ADCY8: variants seen among roughly 807,000 people sequenced by gnomAD.
ADCY8 encodes adenylate cyclase 8.
In ADCY8, 51 loss-of-function variants were observed where a neutral mutation model predicts 119.7. The ratio of observed to expected loss-of-function variants is 0.43; its 90% confidence interval spans 0.34 to 0.54. The LOEUF is 0.54. Ranked by LOEUF, ADCY8 falls within the 20% of genes least tolerant of loss-of-function variation. ADCY8 has a pLI of 0.03. For missense variants in ADCY8, 1,383 were observed against 1,598.8 expected (o/e 0.87, Z 2.30); for synonymous variants, 665 against 651.0 (o/e 1.02, Z -0.33).
intron 15 of ADCY8, among the ~76,000 whole-genome samples, chr8:130,795,740 C>A (rs1815560250): frequency 1.3e-5 from 2 of 152,132 alleles, no homozygotes; most frequent in Admixed American, 1.3e-4. Context: ...GAGAGGAACT[C>A]TTCTGGGAAC....
intron 14 of ADCY8, among the ~76,000 whole-genome samples, chr8:130,807,131 G>A (rs770601248): frequency 1.6e-4 from 25 of 152,202 alleles, no homozygotes; most frequent in South Asian, 6.2e-4. Flanking sequence ...ATGTGCATGC[G>A]CTCCGTCGCA....
intron 15 of ADCY8, among the ~76,000 whole-genome samples, chr8:130,787,187 A>G (rs1432278694): frequency 6.6e-6 from 1 of 152,280 alleles, no homozygotes; most frequent in East Asian, 1.9e-4. Flanking sequence ...GTAGGCAGAA[A>G]GAGACCAAGT....
intron 5 of ADCY8, among the ~76,000 whole-genome samples, chr8:130,932,517 T>A (rs1432671295): frequency 6.6e-6 from 1 of 152,186 alleles, no homozygotes; most frequent in East Asian, 1.9e-4. Flanking sequence ...TATATTTTTC[T>A]GCACTGTGCT....
intron 1 of ADCY8, among the ~76,000 whole-genome samples, chr8:130,996,184 A>C (rs983431805): frequency 1.2e-4 from 19 of 152,116 alleles, no homozygotes; most frequent in Admixed American, 2.0e-4. Context: ...AAAGATAAAG[A>C]AGAGAGGTAT....
chr8:130,958,809 G>A (rs1285455744), intron 2 of ADCY8, among the ~76,000 whole-genome samples: 1 of 151,586 alleles, frequency 6.6e-6, no homozygotes, highest in Non-Finnish European at 1.5e-5. Context: ...CTCTTTTCCT[G>A]TTTTATTTAT....
At chr8:130,980,465 G>A (rs1421048566) in intron 2 of ADCY8, among the ~76,000 whole-genome samples, 1 of 152,162 alleles carries the variant, frequency 6.6e-6, no homozygotes, top group African/African-American at 2.4e-5. Context: ...GAGAAATGGA[G>A]AAGGAAGTAG....
At chr8:130,842,816 G>A (rs1817186499) in intron 11 of ADCY8, among the ~76,000 whole-genome samples, 1 of 148,710 alleles carries the variant, frequency 6.7e-6, no homozygotes, top group South Asian at 2.1e-4. Context: ...ATGTTGTAGT[G>A]AGCCGAGATT....
Position 130,940,276 on chromosome 8 carries a change from A to G in ADCY8, c.1353+3075T>C, listed in dbSNP as rs548391076. Among the ~76,000 whole-genome samples, 3 of 152,266 alleles carry G rather than the reference A, an allele frequency of 2.0e-5. No homozygotes were observed. The South Asian group carries it at 6.2e-4, about 32-fold the overall frequency. On this transcript the variant is annotated intron_variant, in intron 4 of 17. Transcript: ENST00000286355. ...TGCTCTCTCTTGGCAAAACTGCAGG[A>G]ATTATGGCAAAGTCCAGAATGGTAG...
chr8:130,858,553 T>C (rs1279013069), intron 9 of ADCY8, among the ~76,000 whole-genome samples: 1 of 152,154 alleles, frequency 6.6e-6, no homozygotes, highest in Non-Finnish European at 1.5e-5. Context: ...TTAATCTTTA[T>C]CCCCTGGCTG....
Position 130,937,079 on chromosome 8 carries a change from G to T in ADCY8, c.1475C>A (p.Thr492Asn). 1 of 1,611,516 alleles carries T rather than the reference G, an allele frequency of 6.2e-7. No homozygotes were observed. ...GATGGGGATCACAAATTACCTGATG[G>T]TTTTGATCATGCTGAGACCCATTTC... ...CVEMGLSMIKTIRYVRSRTKH... is the reference protein window; with the variant it reads ...CVEMGLSMIKNIRYVRSRTKH... The change falls in exon 5 of 18, where the codon ACC (threonine) becomes AAC (asparagine). Residue 492 changes from threonine to asparagine, a missense_variant. By Grantham distance (65) the Thr-to-Asn change is moderately conservative (BLOSUM62 0). Around this residue, in one of 2 missense-constraint regions of ADCY8, gnomAD observed 928 missense variants for 1,163.5 expected, o/e 0.80. Coordinates refer to ENST00000286355, the MANE Select transcript of ADCY8 (RefSeq NM_001115.3).
chr8:130,870,508 A>G (rs2130405297), intron 8 of ADCY8, among the ~76,000 whole-genome samples: 1 of 152,214 alleles, frequency 6.6e-6, no homozygotes, highest in African/African-American at 2.4e-5. Context: ...TTTATCTGGG[A>G]AAGTGGGTTT....
chr8:130,834,854 A>G (rs1202643609), intron 12 of ADCY8, among the ~76,000 whole-genome samples: 1 of 152,206 alleles, frequency 6.6e-6, no homozygotes, highest in Non-Finnish European at 1.5e-5. Flanking sequence ...GTGTATGTAT[A>G]CATTATATAT....
At chr8:130,780,964 A>G (rs1815060847) in intron 17 of ADCY8, 87 bp from the exon 18 acceptor site, 2 of 1,525,264 alleles carry the variant, frequency 1.3e-6, no homozygotes, top group East Asian at 2.3e-5. Context: ...AGTGATCACT[A>G]TGTGTGGGGT....
At chr8:130,898,993 C>G (rs138568789) in intron 7 of ADCY8, among the ~76,000 whole-genome samples, 1 of 152,188 alleles carries the variant, frequency 6.6e-6, no homozygotes. Flanking sequence ...GCTTGCAGGA[C>G]GGAGGTCCCA....
intron 10 of ADCY8, 49 bp from the exon 11 acceptor site, chr8:130,847,562 A>C: frequency 2.0e-6 from 3 of 1,484,556 alleles, no homozygotes; most frequent in Non-Finnish European, 2.8e-6. Context: ...AAAAACAGGA[A>C]CAACAAAGTC....
rs116873013 is a variant in ADCY8, at chr8:131,010,453, G to A, written c.961-19911C>T. Among the ~76,000 whole-genome samples the A allele has an allele frequency of 1.6e-4, 25 of 152,162 alleles. No individual in the cohort carries two copies. The East Asian group carries it at 4.2e-3, about 26-fold the overall frequency. The stretch of plus-strand genomic sequence containing the variant: ...ACAAAGTAACATATTATAATGCAGT[G>A]GAATGTTCACATCTGTGTCTTTAGT... On this transcript the variant is annotated intron_variant, in intron 1 of 17. Coordinates refer to ENST00000286355, the MANE Select transcript of ADCY8 (RefSeq NM_001115.3).
rs267601769 is a variant in ADCY8 at position 130,780,658 on chromosome 8, C to T, written c.3488G>A (p.Gly1163Glu). Residue 1163 changes from glycine (G) to glutamate (E), a missense_variant, in exon 18 of 18, where the codon GGA (glycine) becomes GAA (glutamate). This residue lies in a region of ADCY8 where 928 missense variants were observed against 1,163.5 expected (regional missense o/e 0.80). Transcript: ENST00000286355. Reference sequence around the variant, plus strand: ...CAGAAGAAAGTACGTTTTGATTTTTCCTTCCTGTTCACTGATACCCTTCAC... The same window carrying T: ...CAGAAGAAAGTACGTTTTGATTTTTTCTTCCTGTTCACTGATACCCTTCAC... ...IYVKGISEQE[G>E]KIKTYFLLGR... 2 of 1,614,136 alleles carry T rather than the reference C, an allele frequency of 1.2e-6. No homozygotes were observed. The highest frequency in any genetic ancestry group is 8.5e-7 in the Non-Finnish European group (1 of 1,180,000).
chr8:131,006,027 C>T (rs1823105922), intron 1 of ADCY8, among the ~76,000 whole-genome samples: 1 of 152,054 alleles, frequency 6.6e-6, no homozygotes, highest in South Asian at 2.1e-4. Flanking sequence ...TTCTCTCTCT[C>T]TCTCTCTTTC....
At chr8:130,879,038 T>G (rs571127960) in intron 8 of ADCY8, among the ~76,000 whole-genome samples, 1 of 152,292 alleles carries the variant, frequency 6.6e-6, no homozygotes, top group African/African-American at 2.4e-5. Flanking sequence ...TAAGTGTTCC[T>G]GTGTTATTAA....
Sources: allele counts gnomAD v4.1 joint callset (sites outside exome capture counted in the v4.1 genomes callset), GRCh38; gene constraint gnomAD v4.1.1; regional missense constraint gnomAD v4.1.1; transcripts MANE v1.5; gene names NCBI Gene and HGNC (gene_info 2026-07-23, HGNC 2026-07-21).